FAM83E: variants seen among roughly 807,000 people sequenced by gnomAD.
FAM83E encodes the protein protein FAM83E.
In FAM83E, 29 loss-of-function variants were observed where a neutral mutation model predicts 34.3. That is an observed-to-expected ratio of 0.85 (90% confidence interval 0.63 to 1.15). FAM83E has a LOEUF of 1.15. FAM83E is among the 50% of genes most tolerant of loss of function. The pLI is 0.00. For synonymous variants in FAM83E, 312 were observed against 311.6 expected (o/e 1.00, Z -0.01); for missense variants, 697 against 685.0 (o/e 1.02, Z -0.20).
Position 48,602,705 on chromosome 19 carries a change from ATATATATATATATATAT to A in FAM83E, c.1176+772_1176+788del, listed in dbSNP as rs1179094220. Among the ~76,000 whole-genome samples, 129 of 29,422 alleles carry A rather than the reference ATATATATATATATATAT, an allele frequency of 4.4e-3. 26 individuals carry two copies. Among genetic ancestry groups the A allele is most frequent in the African/African-American group, 0.014 (80 of 5,910 alleles). 19.3% of individuals were successfully genotyped at this position (29,422 alleles called of 152,430 possible). ...CTATCTCAAAAAAAAAAAAAAAAAA[ATATATATATATATATAT>A]ATATATATATATATATATATATATA... is the stretch of plus-strand genomic sequence containing the variant. On this transcript the variant is annotated intron_variant, in intron 6 of 6. Transcript: ENST00000263266.
chr19:48,607,496 A>T (rs1334912427), intron 5 of FAM83E: 4 of 1,158,100 alleles, frequency 3.5e-6, no homozygotes, highest in African/African-American at 1.6e-5. Flanking sequence ...GCTGTCCACC[A>T]GGAGCCCGGT....
rs896924990 is a variant in FAM83E at position 48,607,556 on chromosome 19, C to T, written c.758+2320G>A. The T allele has an allele frequency of 1.2e-5, 8 of 669,474 alleles. 1 individual carries two copies. The highest frequency in any genetic ancestry group is 4.1e-5 in the South Asian group (2 of 48,660). The allele number at this position is 669,474 out of a possible 1,614,324, so 41.5% of individuals were successfully genotyped here. On this transcript the variant is annotated intron_variant, in intron 5 of 6. Transcript: ENST00000263266. Reference sequence around the variant, plus strand: ...GACTGAGCGGCAGGGGAGCACGGCCCGTGGGTTTGATTGTATTACTCTGTT... The same window carrying T: ...GACTGAGCGGCAGGGGAGCACGGCCTGTGGGTTTGATTGTATTACTCTGTT...
chr19:48,611,639 T>C (rs1263908705), intron 3 of FAM83E, among the ~76,000 whole-genome samples: 2 of 152,152 alleles, frequency 1.3e-5, no homozygotes, highest in Non-Finnish European at 2.9e-5. Context: ...GGCTAATTTT[T>C]GTATTTTTAG....
intron 5 of FAM83E, among the ~76,000 whole-genome samples, 156 bp downstream of exon 5, chr19:48,609,720 G>A (rs532223054): frequency 4.3e-4 from 65 of 152,240 alleles, no homozygotes; most frequent in Non-Finnish European, 5.0e-4. Context: ...GTCCGGCCGC[G>A]GCACCAACCT....
chr19:48,600,643 CTTTTTTCTTTTT>C lies in FAM83E; in HGVS notation c.*454_*465del, dbSNP rs894680178. ...GCCACCTCGATCAGCCTTTCTTTTTCTTTTTTCTTTTTTTTTTTTTTTTAAAGAGATGGCCTC... is the reference window on the plus strand; with the variant it reads ...GCCACCTCGATCAGCCTTTCTTTTTCTTTTTTTTTTTAAAGAGATGGCCTC... On this transcript the variant is annotated 3_prime_UTR_variant, in exon 7 of 7. Coordinates refer to ENST00000263266, the MANE Select transcript of FAM83E (RefSeq NM_017708.4). 1.4e-5 allele frequency among the ~76,000 whole-genome samples: 2 copies of C among 146,714 alleles called. No homozygotes were observed. Among genetic ancestry groups the C allele is most frequent in the Non-Finnish European group, 3.0e-5 (2 of 66,426 alleles).
At chr19:48,611,163 G>GTTGTT in intron 3 of FAM83E, among the ~76,000 whole-genome samples, 1 of 149,900 alleles carries the variant, frequency 6.7e-6, no homozygotes, top group Admixed American at 6.7e-5. Flanking sequence ...TGTTGTTGTT[G>GTTGTT]TTTTTTGTTG....
Position 48,614,635 on chromosome 19 carries a change from GAGA to G in FAM83E, c.-1255-11_-1255-9del, listed in dbSNP as rs1974111813. On this transcript the variant is annotated splice_polypyrimidine_tract_variant and intron_variant, in intron 2 of 6. Transcript: ENST00000263266. ...CCAGACCACAGCAGGGAGCTGCAAA[GAGA>G]AGAAAGGAGTCAAGGCAGGCCAGCC... 4.1e-6 allele frequency: 4 copies of G among 985,646 alleles called. No individual in the cohort carries two copies. The highest frequency in any genetic ancestry group is 4.7e-5 in the South Asian group (1 of 21,288). The allele number at this position is 985,646 out of a possible 1,614,324, so 61.1% of individuals were successfully genotyped here.
chr19:48,603,865 G>A lies in FAM83E; in HGVS notation c.805C>T (p.Leu269=). Reference sequence around the variant, plus strand: ...AAGGCGTCAACAATTTCACCAGTCAGCAGGGTCACCAGGCCTCGGTGCAGG... The same window carrying A: ...AAGGCGTCAACAATTTCACCAGTCAACAGGGTCACCAGGCCTCGGTGCAGG... ...ARLHRGLVTL[L]TGEIVDAFSL... Residue 269 remains leucine, a synonymous_variant, in exon 6 of 7, where the codon CTG becomes TTG. Coordinates refer to ENST00000263266, the MANE Select transcript of FAM83E (RefSeq NM_017708.4). 6.2e-7 allele frequency: 1 copy of A among 1,608,808 alleles called. No individual in the cohort carries two copies. The highest frequency in any genetic ancestry group is 8.5e-7 in the Non-Finnish European group (1 of 1,177,542).
intron 3 of FAM83E, among the ~76,000 whole-genome samples, chr19:48,612,619 G>A (rs1465169048): frequency 6.6e-6 from 1 of 151,926 alleles, no homozygotes; most frequent in Non-Finnish European, 1.5e-5. Context: ...GGCCAGGCTG[G>A]TCTCAAACTC....
chr19:48,603,104 TGTC>T (rs1568418072), intron 6 of FAM83E, among the ~76,000 whole-genome samples: 2 of 151,890 alleles, frequency 1.3e-5, no homozygotes, highest in Non-Finnish European at 2.9e-5. Flanking sequence ...GTATTGTTGT[TGTC>T]ATTACTACTC....
At chr19:48,608,223 C>T (rs1314746957) in intron 5 of FAM83E, among the ~76,000 whole-genome samples, 1 of 152,094 alleles carries the variant, frequency 6.6e-6, no homozygotes, top group African/African-American at 2.4e-5. Flanking sequence ...AATCCTCCCA[C>T]CTCAGCCTCC....
At chr19:48,610,625 C>A in intron 4 of FAM83E, 55 bp downstream of exon 4, 10 of 1,520,208 alleles carry the variant, frequency 6.6e-6, no homozygotes, top group Non-Finnish European at 8.9e-6. Flanking sequence ...TCTGCCCCCA[C>A]TGCCCCCATG....
chr19:48,613,105 T>C lies in FAM83E; in HGVS notation c.268A>G (p.Thr90Ala). ...AGGCTGCCCGCGTCCACATCGGTGG[T>C]GGTGGCTCCCTCTGCCATCCCGCTG... The part of the protein sequence containing the change: ...EPSGMAEGAT[T>A]TDVDAGSLSY... Residue 90 changes from threonine (T) to alanine (A), a missense_variant, in exon 3 of 7, where the codon ACC (threonine) becomes GCC (alanine). Physicochemically the swap from Thr to Ala is moderately conservative, Grantham distance 58. Transcript: ENST00000263266. The C allele has an allele frequency of 1.2e-6, 2 of 1,610,384 alleles. No individual in the cohort carries two copies. Among genetic ancestry groups the C allele is most frequent in the Non-Finnish European group, 1.7e-6 (2 of 1,179,160 alleles).
intron 5 of FAM83E, among the ~76,000 whole-genome samples, chr19:48,605,001 C>T (rs1452542510): frequency 8.1e-6 from 1 of 123,860 alleles, no homozygotes; most frequent in Admixed American, 1.0e-4. Context: ...ACCTGGGCGA[C>T]AGAGCGAGAC....
intron 4 of FAM83E, 42 bp downstream of exon 4, chr19:48,610,638 A>C: frequency 6.5e-7 from 1 of 1,533,360 alleles, no homozygotes; most frequent in Non-Finnish European, 8.8e-7. Flanking sequence ...CCCCCATGCC[A>C]GGGGAATGGG....
At chr19:48,602,825 T>A (rs1396832552) in intron 6 of FAM83E, among the ~76,000 whole-genome samples, 2 of 114,000 alleles carry the variant, frequency 1.8e-5, no homozygotes, top group African/African-American at 3.4e-5. Context: ...TTATTTATTG[T>A]TTATTATTAT....
In FAM83E at chr19:48,612,918, G is replaced by A. The variant is rs1246732069; in HGVS notation, c.455C>T (p.Ala152Val). The A allele has an allele frequency of 1.3e-6, 2 of 1,550,062 alleles. No individual in the cohort carries two copies. The highest frequency in any genetic ancestry group is 2.4e-5 in the South Asian group (2 of 84,668). Residue 152 changes from alanine (A) to valine (V), a missense_variant, in exon 3 of 7, where the codon GCT becomes GTT. Ala to Val is a moderately conservative substitution (Grantham distance 64). Transcript: ENST00000263266. ...CCCCGCGACACCCACCTTGTGGGCA[G>A]CCTGGATCTCCAGCCGCACCAGCTC... The part of the protein sequence containing the change: ...LKELVRLEIQ[A>V]AHKLVAVVMD...
At chr19:48,606,140 G>A (rs575189218) in intron 5 of FAM83E, among the ~76,000 whole-genome samples, 2 of 152,030 alleles carry the variant, frequency 1.3e-5, no homozygotes, top group Admixed American at 6.5e-5. Context: ...GTGAAACCCT[G>A]TCTCTACTAA....
rs1009277878 is a variant in FAM83E at position 48,609,344 on chromosome 19, C to T, written c.758+532G>A. Reference sequence around the variant, plus strand: ...CCAGGCTGGAGTGCGACAGCGCGATCTCGGCTCACTGCAACCTCTCTCCTG... The same window carrying T: ...CCAGGCTGGAGTGCGACAGCGCGATTTCGGCTCACTGCAACCTCTCTCCTG... On this transcript the variant is annotated intron_variant, in intron 5 of 6. Transcript: ENST00000263266. 7.4e-5 allele frequency among the ~76,000 whole-genome samples: 10 copies of T among 134,840 alleles called. No individual in the cohort carries two copies. In the East Asian group the frequency reaches 1.6e-3, roughly 22 times the overall value. 88.5% of individuals were successfully genotyped at this position (134,840 alleles called of 152,430 possible). A position where few individuals can be genotyped will look rare whatever the true frequency, so the allele number is the denominator to read the frequency against.
Sources: allele counts gnomAD v4.1 joint callset (sites outside exome capture counted in the v4.1 genomes callset), GRCh38; gene constraint gnomAD v4.1.1; transcripts MANE v1.5; gene names NCBI Gene and HGNC (gene_info 2026-07-23, HGNC 2026-07-21).